CAMK1D: variants seen among roughly 807,000 people sequenced by gnomAD.
The protein encoded by CAMK1D is calcium/calmodulin dependent protein kinase ID.
Under a neutral mutation model 47.7 loss-of-function variants are expected in CAMK1D, and 9 were observed. The observed-to-expected ratio is 0.19, with a 90% CI of 0.11 to 0.33. The LOEUF (loss-of-function observed/expected upper bound fraction) is 0.33, where lower values mean the gene tolerates loss of function less well. Among genes scored for constraint, CAMK1D ranks in the 10% least tolerant of loss-of-function variants. The pLI is 1.00. For missense variants in CAMK1D, 291 were observed against 488.7 expected (o/e 0.60, Z 3.81); for synonymous variants, 184 against 184.9 (o/e 0.99, Z 0.04).
intron 1 of CAMK1D, among the ~76,000 whole-genome samples, chr10:12,386,291 T>G (rs886379536): frequency 2.0e-5 from 3 of 151,968 alleles, no homozygotes; most frequent in Non-Finnish European, 4.4e-5. Flanking sequence ...ATACAAAAAT[T>G]AGTTGGGTAT....
At chr10:12,529,247 A>C (rs1257574964) in intron 1 of CAMK1D, among the ~76,000 whole-genome samples, 1 of 152,182 alleles carries the variant, frequency 6.6e-6, no homozygotes, top group Admixed American at 6.5e-5. Flanking sequence ...TAGGTAGCAT[A>C]ATTCTCAGTT....
At chr10:12,615,065 A>C (rs544956262) in intron 2 of CAMK1D, among the ~76,000 whole-genome samples, 1 of 152,274 alleles carries the variant, frequency 6.6e-6, no homozygotes, top group South Asian at 2.1e-4. Context: ...AGGACTGATA[A>C]TCCATTCTGA....
At chr10:12,675,049 A>AG (rs1840762138) in intron 3 of CAMK1D, among the ~76,000 whole-genome samples, 3 of 151,768 alleles carry the variant, frequency 2.0e-5, no homozygotes, top group South Asian at 4.2e-4. Flanking sequence ...AAAAAAAAAA[A>AG]AGAACATTAG....
intron 5 of CAMK1D, among the ~76,000 whole-genome samples, chr10:12,784,198 ATTTTT>A (rs71386119): frequency 2.5e-4 from 34 of 136,034 alleles, no homozygotes; most frequent in Admixed American, 5.3e-4. Context: ...GAGAAAAGGT[ATTTTT>A]TTTTTTTTTT....
At chr10:12,712,525 G>A (rs1833974856) in intron 3 of CAMK1D, among the ~76,000 whole-genome samples, 1 of 152,202 alleles carries the variant, frequency 6.6e-6, no homozygotes, top group Admixed American at 6.5e-5. Context: ...ACTTCCTGGT[G>A]AGGGCTCTCT....
rs545489021 is a variant in CAMK1D at position 12,717,561 on chromosome 10, A to G, written c.300-43387A>G. ...ACGAAAAAAAGATTTTGACCAGCCC[A>G]GGCAACATAGACCTCTTCTCTACAA... On this transcript the variant is annotated intron_variant, in intron 3 of 10. Transcript: ENST00000619168. 8.5e-5 allele frequency among the ~76,000 whole-genome samples: 13 copies of G among 152,110 alleles called. No homozygotes were observed. In the South Asian group the frequency reaches 1.2e-3, roughly 15 times the overall value.
chr10:12,561,580 C>A (rs945404052), intron 2 of CAMK1D, among the ~76,000 whole-genome samples: 1 of 152,188 alleles, frequency 6.6e-6, no homozygotes, highest in Admixed American at 6.5e-5. Flanking sequence ...CCGGAGACTT[C>A]CCCTGCCTGG....
intron 2 of CAMK1D, among the ~76,000 whole-genome samples, chr10:12,569,722 C>CAAAAAAAAA (rs56335336): frequency 1.4e-5 from 1 of 71,470 alleles, no homozygotes; most frequent in African/African-American, 6.4e-5. Flanking sequence ...GACTCCGTCT[C>CAAAAAAAAA]AAAAAAAAAA....
At chr10:12,634,230 C>T (rs1839454695) in intron 2 of CAMK1D, among the ~76,000 whole-genome samples, 1 of 152,212 alleles carries the variant, frequency 6.6e-6, no homozygotes, top group Admixed American at 6.5e-5. Flanking sequence ...TAGCATCGTC[C>T]TTTCTCACCT....
At chr10:12,751,094 AAGATAAGATAAGATAAGATAAGATAAGAT>A (rs1588885341) in intron 3 of CAMK1D, among the ~76,000 whole-genome samples, 2 of 92,660 alleles carry the variant, frequency 2.2e-5, no homozygotes, top group Non-Finnish European at 4.5e-5. Flanking sequence ...AAGATAAGAT[AAGATAAGATAAGATAAGATAAGATAAGAT>A]AAGAAGGCTT....
At chr10:12,458,330 C>T (rs1000242358) in intron 1 of CAMK1D, among the ~76,000 whole-genome samples, 19 of 152,086 alleles carry the variant, frequency 1.2e-4, no homozygotes, top group African/African-American at 3.4e-4. Flanking sequence ...GAGAGGAAGG[C>T]GAGAGGAGTC....
At chr10:12,667,544 G>T (rs1840472822) in intron 3 of CAMK1D, among the ~76,000 whole-genome samples, 1 of 152,162 alleles carries the variant, frequency 6.6e-6, no homozygotes, top group Non-Finnish European at 1.5e-5. Flanking sequence ...ATATCCCAGG[G>T]CTACATTTAG....
At chr10:12,741,403 C>T (rs974535298) in intron 3 of CAMK1D, among the ~76,000 whole-genome samples, 2 of 152,178 alleles carry the variant, frequency 1.3e-5, no homozygotes, top group Non-Finnish European at 2.9e-5. Flanking sequence ...AGGCACTGAC[C>T]ACGCTGAACC....
At chr10:12,819,037 G>A (rs1470923693) in intron 8 of CAMK1D, among the ~76,000 whole-genome samples, 1 of 152,208 alleles carries the variant, frequency 6.6e-6, no homozygotes, top group Non-Finnish European at 1.5e-5. Flanking sequence ...AAAGAGGGAG[G>A]GATGTGAGCC....
chr10:12,800,197 A>G (rs1353880678), intron 6 of CAMK1D, among the ~76,000 whole-genome samples: 1 of 152,240 alleles, frequency 6.6e-6, no homozygotes, highest in Non-Finnish European at 1.5e-5. Flanking sequence ...ACGGTTACTG[A>G]AATCATTGGA....
At chr10:12,468,684 A>G (rs1320019589) in intron 1 of CAMK1D, among the ~76,000 whole-genome samples, 1 of 152,150 alleles carries the variant, frequency 6.6e-6, no homozygotes, top group African/African-American at 2.4e-5. Context: ...ATAACCCCCC[A>G]TGACCCTGCC....
rs551785791 is a variant in CAMK1D at position 12,413,256 on chromosome 10, C to T, written c.92+63346C>T. Reference sequence around the variant, plus strand: ...TGGTGAAAGCAGGAGCAAGTGAGAGCGAGGCGGGAAGGGGAGTGCCACACA... The same window carrying T: ...TGGTGAAAGCAGGAGCAAGTGAGAGTGAGGCGGGAAGGGGAGTGCCACACA... On this transcript the variant is annotated intron_variant, in intron 1 of 10. Transcript: ENST00000619168. Among the ~76,000 whole-genome samples the T allele has an allele frequency of 2.6e-5, 4 of 152,058 alleles. No individual in the cohort carries two copies. The South Asian group carries it at 6.2e-4, about 24-fold the overall frequency.
chr10:12,489,121 A>G (rs1257106233), intron 1 of CAMK1D, among the ~76,000 whole-genome samples: 2 of 152,054 alleles, frequency 1.3e-5, no homozygotes, highest in Non-Finnish European at 2.9e-5. Flanking sequence ...TATTTTTAGT[A>G]GAGACAGGGA....
In CAMK1D at chr10:12,808,874, TG is replaced by T. The variant is rs894905473; in HGVS notation, c.642-5318del. On this transcript the variant is annotated intron_variant, in intron 6 of 10. Transcript: ENST00000619168. ...GCTTATCCCTGTAATCCCAGCACTT[TG>T]GGAGCTTTAGGTGGGTGAATCACTT... 9.5e-4 allele frequency among the ~76,000 whole-genome samples: 145 copies of T among 152,114 alleles called. 1 individual carries two copies. The highest frequency in any genetic ancestry group is 3.3e-3 in the African/African-American group (135 of 41,490).
Sources: allele counts gnomAD v4.1 joint callset (sites outside exome capture counted in the v4.1 genomes callset), GRCh38; gene constraint gnomAD v4.1.1; transcripts MANE v1.5; gene names NCBI Gene and HGNC (gene_info 2026-07-23, HGNC 2026-07-21).